ARID1B: variants seen among roughly 807,000 people sequenced by gnomAD.
ARID1B encodes the protein AT-rich interaction domain 1B.
ARID1B carries 30 observed loss-of-function variants against 212.3 expected under a neutral mutation model. That is an observed-to-expected ratio of 0.14 (90% CI 0.11 to 0.19). The LOEUF (loss-of-function observed/expected upper bound fraction) is 0.19, where lower values mean the gene tolerates loss of function less well. Ranked by LOEUF, ARID1B falls within the 10% of genes least tolerant of loss-of-function variation. The probability of loss-of-function intolerance (pLI) is 1.00; values close to 1 mark genes in which losing one functional copy is unlikely to be tolerated. For synonymous variants in ARID1B, 1,402 were observed against 1,301.7 expected, an observed-to-expected ratio of 1.08 and a Z score of -1.66; for missense variants, 2,891 against 3,204.0, an observed-to-expected ratio of 0.90 and a Z score of 2.36.
chr6:157,161,921 A>G (rs1583429617), intron 8 of ARID1B, among the ~76,000 whole-genome samples: 1 of 152,334 alleles, frequency 6.6e-6, no homozygotes, highest in East Asian at 1.9e-4. Flanking sequence ...TTTTCCCAAT[A>G]AAGTGTGCAC....
chr6:157,044,599 C>T (rs1042863357), intron 4 of ARID1B, among the ~76,000 whole-genome samples: 3 of 152,142 alleles, frequency 2.0e-5, no homozygotes, highest in Admixed American at 6.5e-5. Flanking sequence ...TTAGAGGGCT[C>T]CAGTTTGAAT....
At chr6:156,826,394 A>G (rs1161184752) in intron 1 of ARID1B, among the ~76,000 whole-genome samples, 1 of 152,190 alleles carries the variant, frequency 6.6e-6, no homozygotes, top group Admixed American at 6.5e-5. Flanking sequence ...GCTGTGTTGC[A>G]CTGTGACCTG....
intron 3 of ARID1B, among the ~76,000 whole-genome samples, chr6:156,928,133 T>C (rs1307570697): frequency 2.0e-5 from 3 of 152,152 alleles, no homozygotes; most frequent in Non-Finnish European, 4.4e-5. Flanking sequence ...CCCCACACCC[T>C]GGGGCCGGCC....
Position 157,139,982 on chromosome 6 carries a change from C to T in ARID1B, c.2761+6775C>T, listed in dbSNP as rs534221176. On this transcript the variant is annotated intron_variant, in intron 7 of 19. Coordinates refer to ENST00000636930, the MANE Select transcript of ARID1B (RefSeq NM_001374828.1). ...CAAGTGATTCACCCGCCTCAGCCTC[C>T]CAAAGTGCTGGGATTACAGGTATGA... Among the ~76,000 whole-genome samples, 7 of 152,032 alleles carry T rather than the reference C, an allele frequency of 4.6e-5. No homozygotes were observed. The South Asian group carries it at 1.5e-3, about 32-fold the overall frequency.
chr6:156,797,560 A>T (rs1715017261), intron 1 of ARID1B, among the ~76,000 whole-genome samples: 1 of 152,164 alleles, frequency 6.6e-6, no homozygotes, highest in Non-Finnish European at 1.5e-5. Flanking sequence ...AGAACCTTGC[A>T]AGCGCAAGGT....
chr6:157,021,827 C>T (rs1470836363), intron 4 of ARID1B, among the ~76,000 whole-genome samples: 1 of 152,112 alleles, frequency 6.6e-6, no homozygotes, highest in Non-Finnish European at 1.5e-5. Flanking sequence ...ACACATGAGC[C>T]GGCGCGGCCA....
chr6:157,103,248 C>CT (rs11414349), intron 5 of ARID1B, among the ~76,000 whole-genome samples: 14,501 of 150,116 alleles, frequency 0.097, 803 homozygotes, highest in East Asian at 0.17. Flanking sequence ...ATTAGCCATA[C>CT]TTTTTTTTTT....
intron 9 of ARID1B, chr6:157,172,830 G>A (rs1368887891): frequency 2.0e-5 from 3 of 149,730 alleles, no homozygotes; most frequent in East Asian, 1.9e-4. Flanking sequence ...GGCACATAAC[G>A]CTACATGTGT....
intron 1 of ARID1B, among the ~76,000 whole-genome samples, chr6:156,793,742 T>C (rs1780169600): frequency 6.6e-6 from 1 of 152,216 alleles, no homozygotes; most frequent in African/African-American, 2.4e-5. Context: ...CTCTTATGGA[T>C]ATGCTGCTTC....
intron 4 of ARID1B, among the ~76,000 whole-genome samples, chr6:157,026,849 G>A (rs1562560256): frequency 6.6e-6 from 1 of 152,148 alleles, no homozygotes. Context: ...AGGTGAAGGG[G>A]AGCAGAGTGG....
rs570948842 is a variant in ARID1B at position 157,002,948 on chromosome 6, C to T, written c.2247+67372C>T. Among the ~76,000 whole-genome samples, 4 of 152,296 alleles carry T rather than the reference C, an allele frequency of 2.6e-5. No homozygotes were observed. The East Asian group carries it at 5.8e-4, about 22-fold the overall frequency. On this transcript the variant is annotated intron_variant, in intron 4 of 19. Coordinates refer to ENST00000636930, the MANE Select transcript of ARID1B (RefSeq NM_001374828.1). ...ATGAGAATGAGAAGAGGACTGTAGG[C>T]AGAGGAGACAGCTGAGACCAGAAAC... is the stretch of plus-strand genomic sequence containing the variant.
At chr6:156,917,290 A>C (rs995406604) in intron 3 of ARID1B, among the ~76,000 whole-genome samples, 4 of 152,188 alleles carry the variant, frequency 2.6e-5, no homozygotes, top group African/African-American at 9.6e-5. Context: ...AAGTGTACTT[A>C]TTTACCTCAG....
intron 4 of ARID1B, among the ~76,000 whole-genome samples, chr6:157,030,855 A>G (rs1780975857): frequency 6.6e-6 from 1 of 152,176 alleles, no homozygotes; most frequent in Non-Finnish European, 1.5e-5. Flanking sequence ...ACAAGGTTTT[A>G]GTTCATTTCC....
intron 5 of ARID1B, among the ~76,000 whole-genome samples, chr6:157,095,619 G>A (rs995808719): frequency 6.6e-6 from 1 of 152,212 alleles, no homozygotes; most frequent in East Asian, 1.9e-4. Context: ...GGGATGATTA[G>A]CTCATGTGTT....
At chr6:157,032,245 A>G (rs759032573) in intron 4 of ARID1B, among the ~76,000 whole-genome samples, 3 of 152,270 alleles carry the variant, frequency 2.0e-5, no homozygotes, top group Non-Finnish European at 2.9e-5. Context: ...TAACACAGTT[A>G]TGAGCATTTT....
chr6:157,081,437 T>A (rs1784626274), intron 4 of ARID1B, among the ~76,000 whole-genome samples: 2 of 152,212 alleles, frequency 1.3e-5, no homozygotes, highest in Non-Finnish European at 2.9e-5. Context: ...ACCCTAACAA[T>A]CTGCAGGGCG....
intron 8 of ARID1B, among the ~76,000 whole-genome samples, chr6:157,165,115 T>C (rs1332501495): frequency 6.6e-6 from 1 of 152,232 alleles, no homozygotes; most frequent in Non-Finnish European, 1.5e-5. Context: ...TGTAAAGCCC[T>C]GAACCATATA....
At chr6:156,782,668 A>G (rs754778915) in intron 1 of ARID1B, among the ~76,000 whole-genome samples, 6 of 152,176 alleles carry the variant, frequency 3.9e-5, no homozygotes, top group Non-Finnish European at 4.4e-5. Flanking sequence ...TGTGAGATAC[A>G]TTATTTGATA....
At chr6:156,984,187 G>A (rs1237373485) in intron 4 of ARID1B, among the ~76,000 whole-genome samples, 2 of 152,102 alleles carry the variant, frequency 1.3e-5, no homozygotes, top group Non-Finnish European at 2.9e-5. Context: ...CTTGGAGATG[G>A]GAAACAGCAC....
Sources: allele counts gnomAD v4.1 joint callset (sites outside exome capture counted in the v4.1 genomes callset), GRCh38; gene constraint gnomAD v4.1.1; transcripts MANE v1.5; gene names NCBI Gene and HGNC (gene_info 2026-07-23, HGNC 2026-07-21).